The following CTF1 variants were observed in gnomAD, a reference collection of about 807,000 sequenced individuals.
CTF1 encodes cardiotrophin 1.
In CTF1, 9 loss-of-function variants were observed where a neutral mutation model predicts 10.9. The observed-to-expected ratio is 0.83, with a 90% CI of 0.50 to 1.44. The LOEUF is 1.44. Ranked by LOEUF, CTF1 falls within the 40% of genes most tolerant of loss-of-function variation. CTF1 has a pLI of 0.00. For synonymous variants in CTF1, 133 were observed against 138.8 expected (o/e 0.96, Z 0.29); for missense variants, 259 against 275.3 (o/e 0.94, Z 0.42).
intron 1 of CTF1, among the ~76,000 whole-genome samples, chr16:30,898,335 T>C (rs923833313): frequency 6.6e-6 from 1 of 152,128 alleles, no homozygotes; most frequent in African/African-American, 2.4e-5. Context: ...CTAATTTTTG[T>C]ATTTTTAGTA....
chr16:30,896,757 C>T, intron 1 of CTF1, 89 bp downstream of exon 1: 1 of 1,183,860 alleles, frequency 8.4e-7, no homozygotes, highest in Non-Finnish European at 1.1e-6. Flanking sequence ...TCCGCCACCC[C>T]CGGGTCCGGG....
chr16:30,902,380 G>A lies in CTF1; in HGVS notation c.447G>A (p.Gly149=). The stretch of plus-strand genomic sequence containing the variant: ...CCGCGCTGGGCGCCGCCAACCGCGG[G>A]CCCCGGGCCGAGCCCCCCGCCGCCA... The part of the protein sequence containing the change: ...LLAALGAANR[G]PRAEPPAATA... The change falls in exon 3 of 3, where the codon GGG becomes GGA. Residue 149 remains glycine (G), a synonymous_variant. Coordinates refer to ENST00000279804, the MANE Select transcript of CTF1 (RefSeq NM_001330.5). The A allele has an allele frequency of 8.2e-7, 1 of 1,220,146 alleles. No homozygotes were observed. Among genetic ancestry groups the A allele is most frequent in the South Asian group, 3.2e-5 (1 of 30,792 alleles). The allele number at this position is 1,220,146 out of a possible 1,614,324, so 75.6% of individuals were successfully genotyped here. A position where few individuals can be genotyped will look rare whatever the true frequency, so the allele number is the denominator to read the frequency against.
intron 1 of CTF1, 47 bp from the exon 2 acceptor site, chr16:30,899,368 A>G (rs1345183062): frequency 8.7e-7 from 1 of 1,151,898 alleles, no homozygotes; most frequent in African/African-American, 1.5e-5. Context: ...GAGGTGATCA[A>G]TGAGCAGGAG....
intron 2 of CTF1, 52 bp from the exon 3 acceptor site, chr16:30,902,026 C>T: frequency 7.2e-7 from 1 of 1,393,720 alleles, no homozygotes; most frequent in Non-Finnish European, 9.4e-7. Context: ...CAGTTAACAG[C>T]CCCCTGCCCG....
chr16:30,899,572 G>GGT, intron 2 of CTF1, 39 bp downstream of exon 2: 2 of 832,160 alleles, frequency 2.4e-6, no homozygotes, highest in Non-Finnish European at 4.0e-6. Flanking sequence ...GGGGCCTGGG[G>GGT]AATGGGAGCA....
At chr16:30,900,071 G>C (rs1959020611) in intron 2 of CTF1, among the ~76,000 whole-genome samples, 1 of 152,188 alleles carries the variant, frequency 6.6e-6, no homozygotes, top group African/African-American at 2.4e-5. Flanking sequence ...AGGAAACCGA[G>C]GTTCTAGGCT....
At chr16:30,899,680 C>T (rs973007315) in intron 2 of CTF1, 147 bp downstream of exon 2, 87 of 614,258 alleles carry the variant, frequency 1.4e-4, no homozygotes, top group South Asian at 1.3e-3. Flanking sequence ...CCCCTGGCCA[C>T]ACAGCAAATT....
rs1179040083 is a variant in CTF1 at position 30,902,515 on chromosome 16, G to C, written c.582G>C (p.Gln194His). 1 of 1,495,242 alleles carries C rather than the reference G, an allele frequency of 6.7e-7. No individual in the cohort carries two copies. The highest frequency in any genetic ancestry group is 8.9e-7 in the Non-Finnish European group (1 of 1,126,846). The allele number at this position is 1,495,242 out of a possible 1,614,324, so 92.6% of individuals were successfully genotyped here. Residue 194 changes from glutamine to histidine, a missense_variant, in exon 3 of 3, where the codon CAG becomes CAC. By Grantham distance (24) the Gln-to-His change is conservative (BLOSUM62 0). Coordinates refer to ENST00000279804, the MANE Select transcript of CTF1 (RefSeq NM_001330.5). ...GCCGCACCGAGGGCGACCTGGGCCAGCTGCTGCCCGGGGGCTCGGCCTGAG... is the reference window on the plus strand; with the variant it reads ...GCCGCACCGAGGGCGACCTGGGCCACCTGCTGCCCGGGGGCTCGGCCTGAG... ...WLSRTEGDLG[Q>H]LLPGGSA
At chr16:30,899,293 T>A in intron 1 of CTF1, 122 bp from the exon 2 acceptor site, 1 of 788,524 alleles carries the variant, frequency 1.3e-6, no homozygotes, top group Non-Finnish European at 2.3e-6. Context: ...TTCTGGTGCC[T>A]CATTTTCCTT....
upstream of CTF1, among the ~76,000 whole-genome samples, chr16:30,896,311 G>A (rs1271791182): frequency 6.6e-6 from 1 of 152,194 alleles, no homozygotes; most frequent in Non-Finnish European, 1.5e-5. Context: ...TGTCTCCTCA[G>A]CTTTACACCC....
At chr16:30,897,826 T>C (rs1236243139) in intron 1 of CTF1, among the ~76,000 whole-genome samples, 1 of 151,612 alleles carries the variant, frequency 6.6e-6, no homozygotes, top group Non-Finnish European at 1.5e-5. Flanking sequence ...CTGCACCCCA[T>C]CCTGGGCGAA....
Position 30,902,505 on chromosome 16 carries a change from A to C in CTF1, c.572A>C (p.Asp191Ala). The part of the protein sequence containing the change: ...YREWLSRTEG[D>A]LGQLLPGGSA ...GAGTGGCTGAGCCGCACCGAGGGCG[A>C]CCTGGGCCAGCTGCTGCCCGGGGGC... Residue 191 changes from aspartate to alanine, a missense_variant, in exon 3 of 3, where the codon GAC becomes GCC. By Grantham distance (126) the Asp-to-Ala change is moderately radical. Coordinates refer to ENST00000279804, the MANE Select transcript of CTF1 (RefSeq NM_001330.5). 6.7e-7 allele frequency: 1 copy of C among 1,492,028 alleles called. No homozygotes were observed. The highest frequency in any genetic ancestry group is 1.2e-5 in the South Asian group (1 of 80,894). The allele number at this position is 1,492,028 out of a possible 1,614,324, so 92.4% of individuals were successfully genotyped here. A position where few individuals can be genotyped will look rare whatever the true frequency, so the allele number is the denominator to read the frequency against.
At position 30,896,623 on chromosome 16, in the gene CTF1, C is replaced by T. The variant is rs1414251367; in HGVS notation, c.-21C>T. 2.4e-6 allele frequency: 3 copies of T among 1,253,306 alleles called. No individual in the cohort carries two copies. Among genetic ancestry groups the T allele is most frequent in the Non-Finnish European group, 3.0e-6 (3 of 990,418 alleles). The allele number at this position is 1,253,306 out of a possible 1,614,324, so 77.6% of individuals were successfully genotyped here. A position where few individuals can be genotyped will look rare whatever the true frequency, so the allele number is the denominator to read the frequency against. On this transcript the variant is annotated 5_prime_UTR_variant, in exon 1 of 3. Coordinates refer to ENST00000279804, the MANE Select transcript of CTF1 (RefSeq NM_001330.5). ...CTCGAAAGGGGGGCGTGAAGGGAGC[C>T]GGGATCAGCCAGGGGCCAGCATGAG...
At chr16:30,900,077 A>G (rs1431774395) in intron 2 of CTF1, among the ~76,000 whole-genome samples, 1 of 152,160 alleles carries the variant, frequency 6.6e-6, no homozygotes, top group African/African-American at 2.4e-5. Flanking sequence ...CCGAGGTTCT[A>G]GGCTCTGCGT....
At position 30,902,127 on chromosome 16, in the gene CTF1, G is replaced by C; in HGVS notation, c.194G>C (p.Arg65Pro). 1.4e-6 allele frequency: 2 copies of C among 1,411,680 alleles called. No homozygotes were observed. Among genetic ancestry groups the C allele is most frequent in the Non-Finnish European group, 1.9e-6 (2 of 1,079,318 alleles). The allele number at this position is 1,411,680 out of a possible 1,614,324, so 87.4% of individuals were successfully genotyped here. A position where few individuals can be genotyped will look rare whatever the true frequency, so the allele number is the denominator to read the frequency against. Reference protein sequence around the residue: ...PFGLPSFSPPRLPVAGLSAPA... With the variant: ...PFGLPSFSPPPLPVAGLSAPA... The stretch of plus-strand genomic sequence containing the variant: ...GGGCTGCCCAGCTTCTCGCCGCCGC[G>C]GCTGCCGGTGGCCGGCCTGAGCGCC... The change falls in exon 3 of 3, where the codon CGG (arginine) becomes CCG (proline). Residue 65 changes from arginine to proline, a missense_variant. Coordinates refer to ENST00000279804, the MANE Select transcript of CTF1 (RefSeq NM_001330.5).
At chr16:30,899,650 C>T (rs1461248268) in intron 2 of CTF1, 117 bp downstream of exon 2, 5 of 673,494 alleles carry the variant, frequency 7.4e-6, no homozygotes, top group Non-Finnish European at 1.3e-5. Context: ...ATCAGGGCTC[C>T]TGAGAGGGAC....
chr16:30,900,517 G>C (rs568589315), intron 2 of CTF1, among the ~76,000 whole-genome samples: 15 of 152,298 alleles, frequency 9.8e-5, no homozygotes, highest in African/African-American at 3.6e-4. Flanking sequence ...TAATCCCATT[G>C]CTTTTGGAGG....
chr16:30,897,818 G>T (rs1482738167), intron 1 of CTF1, among the ~76,000 whole-genome samples: 1 of 152,094 alleles, frequency 6.6e-6, no homozygotes, highest in Non-Finnish European at 1.5e-5. Context: ...TTGCACCACT[G>T]CACCCCATCC....
chr16:30,900,421 A>G (rs917452401), intron 2 of CTF1, among the ~76,000 whole-genome samples: 3 of 152,196 alleles, frequency 2.0e-5, no homozygotes, highest in Admixed American at 6.6e-5. Flanking sequence ...ATTAAAAATA[A>G]TAATGTAACA....
Sources: gnomAD v4.1 joint callset for allele counts (sites outside exome capture counted in the v4.1 genomes callset) on GRCh38, gnomAD v4.1.1 for gene constraint, MANE v1.5 for transcripts, NCBI Gene and HGNC (gene_info 2026-07-23, HGNC 2026-07-21) for gene names.